ZFPM1: variants seen among roughly 807,000 people sequenced by gnomAD.
The protein encoded by ZFPM1 is zinc finger protein ZFPM1.
Under a neutral mutation model 46.3 loss-of-function variants are expected in ZFPM1, and 28 were observed. The observed-to-expected ratio is 0.60, with a 90% CI of 0.45 to 0.83. The LOEUF is 0.83. ZFPM1 is among the 40% of genes least tolerant of loss of function. The probability of loss-of-function intolerance (pLI) is 0.00; values close to 1 mark genes in which losing one functional copy is unlikely to be tolerated. For missense variants in ZFPM1, 1,878 were observed against 1,432.4 expected (o/e 1.31, Z -5.02); for synonymous variants, 957 against 675.9 (o/e 1.42, Z -6.45).
At chr16:88,530,440 A>T (rs55893441) in intron 6 of ZFPM1, 16,394 of 152,148 alleles carry the variant, frequency 0.11, 1,082 homozygotes, top group East Asian at 0.34. Context: ...TTGTTGACAT[A>T]CCTGAGTCCT....
intron 4 of ZFPM1, among the ~76,000 whole-genome samples, chr16:88,520,597 A>G (rs996945907): frequency 0.041 from 2,288 of 55,388 alleles, 53 homozygotes; most frequent in Middle Eastern, 0.087. Flanking sequence ...TGGGAGGGTG[A>G]GTGGGTGGAT....
chr16:88,481,501 C>T (rs1597239518), intron 1 of ZFPM1, among the ~76,000 whole-genome samples: 1 of 150,516 alleles, frequency 6.6e-6, no homozygotes, highest in African/African-American at 2.4e-5. Flanking sequence ...TTGGTTTACT[C>T]ACCTGTAAAG....
intron 4 of ZFPM1, among the ~76,000 whole-genome samples, chr16:88,525,835 C>T (rs900232129): frequency 1.3e-5 from 2 of 152,242 alleles, no homozygotes; most frequent in Non-Finnish European, 2.9e-5. Context: ...TTTCCTCTGC[C>T]ATTCAGCTGG....
At chr16:88,454,269 G>T (rs1311139195) in intron 1 of ZFPM1, among the ~76,000 whole-genome samples, 1 of 152,182 alleles carries the variant, frequency 6.6e-6, no homozygotes, top group African/African-American at 2.4e-5. Context: ...ACAGGGGAGG[G>T]GGTAGCGCGC....
intron 4 of ZFPM1, among the ~76,000 whole-genome samples, chr16:88,524,337 TG>T (rs761676790): frequency 8.5e-5 from 13 of 152,242 alleles, no homozygotes; most frequent in Non-Finnish European, 1.6e-4. Flanking sequence ...CCATTGCCCC[TG>T]GGGTTTACCC....
intron 4 of ZFPM1, among the ~76,000 whole-genome samples, chr16:88,518,438 G>A (rs532121329): frequency 1.5e-4 from 22 of 147,272 alleles, no homozygotes; most frequent in Admixed American, 8.1e-4. Context: ...ATGGGTGGAT[G>A]CATGGATAGA....
chr16:88,502,162 A>G (rs922593386), intron 3 of ZFPM1, among the ~76,000 whole-genome samples: 2 of 147,850 alleles, frequency 1.4e-5, no homozygotes, highest in African/African-American at 5.0e-5. Context: ...GCGCTTTTCC[A>G]TTACAGCGGC....
At position 88,489,642 on chromosome 16, in the gene ZFPM1, C is replaced by G. The variant is rs377220494; in HGVS notation, c.268+489C>G. Among the ~76,000 whole-genome samples the G allele has an allele frequency of 1.6e-3, 238 of 152,322 alleles. 1 individual carries two copies. Among genetic ancestry groups the G allele is most frequent in the African/African-American group, 5.5e-3 (230 of 41,592 alleles). On this transcript the variant is annotated intron_variant, in intron 3 of 9. Transcript: ENST00000319555. ...GCTGCAGCCTATGGGGACGGAGTCC[C>G]ATCCACATACCCCGCGGGGCCTGGG...
chr16:88,500,046 T>C (rs1179153982), intron 3 of ZFPM1, among the ~76,000 whole-genome samples: 1 of 152,196 alleles, frequency 6.6e-6, no homozygotes, highest in Non-Finnish European at 1.5e-5. Context: ...AGGCTATCTG[T>C]GGCCAGGGCA....
chr16:88,473,567 G>A (rs1908524522), intron 1 of ZFPM1, among the ~76,000 whole-genome samples: 3 of 152,162 alleles, frequency 2.0e-5, no homozygotes, highest in African/African-American at 7.2e-5. Context: ...CATCCTGGGG[G>A]ACCCCTGCTC....
Position 88,533,620 on chromosome 16 carries a change from G to A in ZFPM1, c.1662G>A (p.Leu554=), listed in dbSNP as rs773528439. 35 of 1,472,638 alleles carry A rather than the reference G, an allele frequency of 2.4e-5. No homozygotes were observed. Among genetic ancestry groups the A allele is most frequent in the Non-Finnish European group, 3.1e-5 (35 of 1,111,130 alleles). 91.2% of individuals were successfully genotyped at this position (1,472,638 alleles called of 1,614,324 possible). ...AKMSELVHSR[L]QQGAGAGAGG... ...TGTCCGAGCTGGTGCACAGCCGGCT[G>A]CAGCAGGGCGCGGGCGCGGGCGCCG... The change falls in exon 10 of 10, where the codon CTG becomes CTA. Residue 554 remains leucine, a synonymous_variant. Transcript: ENST00000319555.
chr16:88,466,749 A>G (rs1908151697), intron 1 of ZFPM1, among the ~76,000 whole-genome samples: 3 of 152,094 alleles, frequency 2.0e-5, no homozygotes, highest in Non-Finnish European at 2.9e-5. Flanking sequence ...AGCTATTTCC[A>G]GTGCAGTGGG....
In ZFPM1 at chr16:88,534,243, A is replaced by T. The variant is rs1277033154; in HGVS notation, c.2285A>T (p.His762Leu). The T allele has an allele frequency of 1.2e-6, 1 of 811,002 alleles. No homozygotes were observed. Among genetic ancestry groups the T allele is most frequent in the Non-Finnish European group, 1.4e-6 (1 of 695,782 alleles). 50.2% of individuals were successfully genotyped at this position (811,002 alleles called of 1,614,324 possible). The part of the protein sequence containing the change: ...AGAPPPPPPG[H>L]APAPESPRPG... ...GCCCCGCCCCCCCCGCCGCCCGGCC[A>T]CGCCCCCGCGCCCGAGTCGCCGCGG... Residue 762 changes from histidine to leucine, a missense_variant, in exon 10 of 10, where the codon CAC (histidine) becomes CTC (leucine). His to Leu is a moderately conservative substitution (Grantham distance 99). Transcript: ENST00000319555.
At chr16:88,488,164 C>T (rs1331798221) in intron 2 of ZFPM1, among the ~76,000 whole-genome samples, 3 of 152,226 alleles carry the variant, frequency 2.0e-5, no homozygotes, top group African/African-American at 7.2e-5. Context: ...ACGCAGGTGC[C>T]GCCGGCAAGC....
rs72807438 is a variant in ZFPM1, at chr16:88,534,952, C to T, written c.2994C>T (p.Ser998=). ...TCGCCCACAAGAAGTATTACTGCTC[C>T]TCGCACGCCGCCGAGCACGTGAAGT... ...TFIAHKKYYC[S]SHAAEHVK The change falls in exon 10 of 10, where the codon TCC becomes TCT. Residue 998 remains serine (S), a synonymous_variant. Coordinates refer to ENST00000319555, the MANE Select transcript of ZFPM1 (RefSeq NM_153813.3). The T allele has an allele frequency of 0.022, 33,526 of 1,515,598 alleles. 464 individuals carry two copies. The highest frequency in any genetic ancestry group is 0.037 in the Admixed American group (1,858 of 50,294). The allele number at this position is 1,515,598 out of a possible 1,614,324, so 93.9% of individuals were successfully genotyped here. A position where few individuals can be genotyped will look rare whatever the true frequency, so the allele number is the denominator to read the frequency against.
At chr16:88,456,029 A>T (rs1240595938) in intron 1 of ZFPM1, among the ~76,000 whole-genome samples, 1 of 152,144 alleles carries the variant, frequency 6.6e-6, no homozygotes, top group Non-Finnish European at 1.5e-5. Context: ...GTTGGAGAAC[A>T]GCGCGGGGGC....
chr16:88,528,303 G>A, intron 6 of ZFPM1, 65 bp downstream of exon 6: 2 of 1,485,930 alleles, frequency 1.3e-6, no homozygotes, highest in Non-Finnish European at 9.0e-7. Context: ...CAGGGCAGGA[G>A]AGGGTGGGAG....
intron 1 of ZFPM1, among the ~76,000 whole-genome samples, chr16:88,458,317 C>T (rs1173620091): frequency 6.6e-6 from 1 of 152,194 alleles, no homozygotes; most frequent in African/African-American, 2.4e-5. Context: ...CAGATGGCCT[C>T]CTTCCTAAGA....
At chr16:88,520,150 G>A (rs962289972) in intron 4 of ZFPM1, among the ~76,000 whole-genome samples, 5 of 142,650 alleles carry the variant, frequency 3.5e-5, no homozygotes, top group Admixed American at 2.8e-4. Flanking sequence ...GATGGATGAC[G>A]GGTGAATGGG....
Sources: gnomAD v4.1 joint callset for allele counts (sites outside exome capture counted in the v4.1 genomes callset) on GRCh38, gnomAD v4.1.1 for gene constraint, MANE v1.5 for transcripts, NCBI Gene and HGNC (gene_info 2026-07-23, HGNC 2026-07-21) for gene names.